The following ARPC5 variants were observed in gnomAD, a reference collection of about 807,000 sequenced individuals.
The protein encoded by ARPC5 is actin-related protein 2/3 complex subunit 5.
In ARPC5, 5 loss-of-function variants were observed where a neutral mutation model predicts 15.4. The ratio of observed to expected loss-of-function variants is 0.32; its 90% CI spans 0.17 to 0.68. The LOEUF (loss-of-function observed/expected upper bound fraction) is 0.68, where lower values mean the gene tolerates loss of function less well. Ranked by LOEUF, ARPC5 falls within the 30% of genes least tolerant of loss-of-function variation. The pLI is 0.71. For missense variants in ARPC5, 138 were observed against 192.8 expected, an observed-to-expected ratio of 0.72 and a Z score of 1.68; for synonymous variants, 85 against 72.2, an observed-to-expected ratio of 1.18 and a Z score of -0.90.
rs529054008 is a variant in ARPC5, at chr1:183,635,776, C to T, written c.-117G>A. The T allele has an allele frequency of 4.4e-6, 6 of 1,365,880 alleles. No homozygotes were observed. Among genetic ancestry groups the T allele is most frequent in the Non-Finnish European group, 5.9e-6 (6 of 1,015,692 alleles). The allele number at this position is 1,365,880 out of a possible 1,614,324, so 84.6% of individuals were successfully genotyped here. A position where few individuals can be genotyped will look rare whatever the true frequency, so the allele number is the denominator to read the frequency against. ...ACTTCCCTCTTCCGCTCTGAGGCGTCGCCGACTGCCGCGGCTCGGACCGTT... is the reference window on the plus strand; with the variant it reads ...ACTTCCCTCTTCCGCTCTGAGGCGTTGCCGACTGCCGCGGCTCGGACCGTT... On this transcript the variant is annotated 5_prime_UTR_variant, in exon 1 of 4. Coordinates refer to ENST00000359856, the MANE Select transcript of ARPC5 (RefSeq NM_005717.4).
chr1:183,630,804 G>A (rs1649241857), intron 2 of ARPC5, 167 bp from the exon 3 acceptor site: 1 of 616,814 alleles, frequency 1.6e-6, no homozygotes, highest in East Asian at 2.8e-5. Context: ...AAAGAACAGT[G>A]CTATTAGTGT....
chr1:183,623,477 C>G lies in ARPC5; in HGVS notation c.*4055G>C. On this transcript the variant is annotated 3_prime_UTR_variant, in exon 4 of 4. Coordinates refer to ENST00000359856, the MANE Select transcript of ARPC5 (RefSeq NM_005717.4). ...TGGAATCATACAAGAGGCACCTGCA[C>G]AGAACGTTTTCACATTGGGGTTTTC... is the stretch of plus-strand genomic sequence containing the variant. 1 of 1,550,248 alleles carries G rather than the reference C, an allele frequency of 6.5e-7. No homozygotes were observed. Among genetic ancestry groups the G allele is most frequent in the South Asian group, 1.2e-5 (1 of 84,056 alleles).
rs1649055853 is a variant in ARPC5, at chr1:183,625,113, A to G, written c.*2419T>C. ...CCAAATAGTAAAAGCACTGAGATTA[A>G]AGGAGGAGAATGGGAGGTAAACAAC... On this transcript the variant is annotated 3_prime_UTR_variant, in exon 4 of 4. Coordinates refer to ENST00000359856, the MANE Select transcript of ARPC5 (RefSeq NM_005717.4). 1 of 152,242 alleles carries G rather than the reference A, an allele frequency of 6.6e-6. No individual in the cohort carries two copies. The highest frequency in any genetic ancestry group is 2.4e-5 in the African/African-American group (1 of 41,466). The allele number at this position is 152,242 out of a possible 1,614,324, so 9.4% of individuals were successfully genotyped here.
chr1:183,630,438 T>C lies in ARPC5; in HGVS notation c.393+23A>G, dbSNP rs760372446. The C allele has an allele frequency of 5.1e-6, 8 of 1,558,412 alleles. No homozygotes were observed. In the African/African-American group the frequency reaches 9.6e-5, roughly 19 times the overall value. The stretch of plus-strand genomic sequence containing the variant: ...CCCTATTGTAAAAGAACCAGTCATA[T>C]AGATTTATAATTCATAACTTACCTT... On this transcript the variant is annotated intron_variant, in intron 3 of 3. Coordinates refer to ENST00000359856, the MANE Select transcript of ARPC5 (RefSeq NM_005717.4).
intron 1 of ARPC5, among the ~76,000 whole-genome samples, chr1:183,635,198 G>C (rs555660148): frequency 2.3e-4 from 35 of 152,340 alleles, no homozygotes; most frequent in Admixed American, 1.7e-3. Flanking sequence ...CCCCAGCGCC[G>C]CGAGGGCGCG....
At chr1:183,635,048 A>G (rs1223470279) in intron 1 of ARPC5, among the ~76,000 whole-genome samples, 5 of 151,978 alleles carry the variant, frequency 3.3e-5, no homozygotes, top group Non-Finnish European at 5.9e-5. Flanking sequence ...AACACAACAA[A>G]AAACAAAACC....
In ARPC5 at chr1:183,623,168, T is replaced by G. The variant is rs1206342403; in HGVS notation, c.*4364A>C. 6.3e-6 allele frequency: 3 copies of G among 478,158 alleles called. No homozygotes were observed. In the Admixed American group the frequency reaches 1.0e-4, roughly 16 times the overall value. The allele number at this position is 478,158 out of a possible 1,614,324, so 29.6% of individuals were successfully genotyped here. A position where few individuals can be genotyped will look rare whatever the true frequency, so the allele number is the denominator to read the frequency against. On this transcript the variant is annotated 3_prime_UTR_variant, in exon 4 of 4. Transcript: ENST00000359856. The stretch of plus-strand genomic sequence containing the variant: ...GCTGGAAAATACGGGAGTTTTAGAA[T>G]GCTTTGGAATTCAGGTGGGTCATAC...
At chr1:183,634,815 G>A (rs376445988) in intron 1 of ARPC5, among the ~76,000 whole-genome samples, 1 of 151,790 alleles carries the variant, frequency 6.6e-6, no homozygotes, top group Non-Finnish European at 1.5e-5. Context: ...AAGGCTCCAA[G>A]CTTCCTTCTA....
rs1648965541 is a variant in ARPC5 at position 183,622,435 on chromosome 1, G to T, written c.*5097C>A. The T allele has an allele frequency of 6.6e-6, 1 of 152,152 alleles. No homozygotes were observed. The highest frequency in any genetic ancestry group is 1.5e-5 in the Non-Finnish European group (1 of 68,028). 9.4% of individuals were successfully genotyped at this position (152,152 alleles called of 1,614,324 possible). On this transcript the variant is annotated 3_prime_UTR_variant, in exon 4 of 4. Transcript: ENST00000359856. ...TGATTCAATTTTTGGAGAAACAAAA[G>T]GAAGTATGATGTTATTCAGAGGCAT...
chr1:183,627,457 C>G lies in ARPC5; in HGVS notation c.*75G>C. ...GAAACAGATGCTACCCACAGGGCAG[C>G]GGTGGCATTTGGTTGTTTTGGTCTT... On this transcript the variant is annotated 3_prime_UTR_variant, in exon 4 of 4. Coordinates refer to ENST00000359856, the MANE Select transcript of ARPC5 (RefSeq NM_005717.4). 6 of 1,247,876 alleles carry G rather than the reference C, an allele frequency of 4.8e-6. 1 individual carries two copies. In the South Asian group the frequency reaches 7.2e-5, roughly 15 times the overall value. 77.3% of individuals were successfully genotyped at this position (1,247,876 alleles called of 1,614,324 possible). A position where few individuals can be genotyped will look rare whatever the true frequency, so the allele number is the denominator to read the frequency against.
In ARPC5 at chr1:183,621,224, A is replaced by C. The variant is rs1427665893; in HGVS notation, c.*6308T>G. The C allele has an allele frequency of 2.0e-5, 3 of 152,222 alleles. No homozygotes were observed. The highest frequency in any genetic ancestry group is 7.2e-5 in the African/African-American group (3 of 41,472). 9.4% of individuals were successfully genotyped at this position (152,222 alleles called of 1,614,324 possible). A position where few individuals can be genotyped will look rare whatever the true frequency, so the allele number is the denominator to read the frequency against. Reference sequence around the variant, plus strand: ...AATTGATAAAACCTTTAAGAAAGGCAATTTAGCAATATCTCCCTTAAATGC... The same window carrying C: ...AATTGATAAAACCTTTAAGAAAGGCCATTTAGCAATATCTCCCTTAAATGC... On this transcript the variant is annotated 3_prime_UTR_variant, in exon 4 of 4. Coordinates refer to ENST00000359856, the MANE Select transcript of ARPC5 (RefSeq NM_005717.4).
intron 1 of ARPC5, among the ~76,000 whole-genome samples, 183 bp downstream of exon 1, chr1:183,635,334 G>T (rs1287395005): frequency 6.6e-6 from 1 of 152,194 alleles, no homozygotes; most frequent in African/African-American, 2.4e-5. Flanking sequence ...CTGCCGACTG[G>T]GTAGGAAACG....
intron 1 of ARPC5, among the ~76,000 whole-genome samples, 187 bp downstream of exon 1, chr1:183,635,330 A>C (rs1419603431): frequency 2.0e-5 from 3 of 152,134 alleles, no homozygotes; most frequent in Non-Finnish European, 4.4e-5. Context: ...TCTCCTGCCG[A>C]CTGGGTAGGA....
In ARPC5 at chr1:183,623,266, T is replaced by C. The variant is rs1174091233; in HGVS notation, c.*4266A>G. The C allele has an allele frequency of 7.2e-6, 5 of 691,588 alleles. No individual in the cohort carries two copies. The highest frequency in any genetic ancestry group is 1.2e-5 in the Non-Finnish European group (5 of 410,372). The allele number at this position is 691,588 out of a possible 1,614,324, so 42.8% of individuals were successfully genotyped here. A position where few individuals can be genotyped will look rare whatever the true frequency, so the allele number is the denominator to read the frequency against. ...CAGAGAGAAATAAGAGATGTAAACA[T>C]AGATTATTTATGTTGATTACTCTTA... On this transcript the variant is annotated 3_prime_UTR_variant, in exon 4 of 4. Transcript: ENST00000359856.
At position 183,635,721 on chromosome 1, in the gene ARPC5, C is replaced by G; in HGVS notation, c.-62G>C. On this transcript the variant is annotated 5_prime_UTR_variant, in exon 1 of 4. Transcript: ENST00000359856. ...GCTGCCTCTACCTCAGCAAGCCCAGCCCAGCAACCCACTACCCGGCGCCTG... is the reference window on the plus strand; with the variant it reads ...GCTGCCTCTACCTCAGCAAGCCCAGGCCAGCAACCCACTACCCGGCGCCTG... 1.3e-6 allele frequency: 2 copies of G among 1,565,466 alleles called. No homozygotes were observed. Among genetic ancestry groups the G allele is most frequent in the Non-Finnish European group, 8.7e-7 (1 of 1,154,434 alleles).
At position 183,623,761 on chromosome 1, in the gene ARPC5, G is replaced by A. The variant is rs563492006; in HGVS notation, c.*3771C>T. 1.9e-4 allele frequency: 84 copies of A among 444,618 alleles called. No individual in the cohort carries two copies. In the South Asian group the frequency reaches 2.0e-3, roughly 11 times the overall value. 27.5% of individuals were successfully genotyped at this position (444,618 alleles called of 1,614,324 possible). The stretch of plus-strand genomic sequence containing the variant: ...CAATCTGGCTGGGCGCGGTGGTCAC[G>A]CCTGTAATCCCAGTGCTTTGGGAGG... On this transcript the variant is annotated 3_prime_UTR_variant, in exon 4 of 4. Coordinates refer to ENST00000359856, the MANE Select transcript of ARPC5 (RefSeq NM_005717.4).
At chr1:183,631,285 AT>A (rs1649256074) in intron 2 of ARPC5, 1 of 151,844 alleles carries the variant, frequency 6.6e-6, no homozygotes, top group Non-Finnish European at 1.5e-5. Context: ...AAAAAAAAAA[AT>A]CCCAACAAAA....
intron 3 of ARPC5, among the ~76,000 whole-genome samples, chr1:183,628,105 G>A (rs553788445): frequency 2.0e-5 from 3 of 148,426 alleles, no homozygotes; most frequent in Non-Finnish European, 1.5e-5. Context: ...CCCAGGAGGC[G>A]GAGCTTGCAG....
rs1192835039 is a variant in ARPC5 at position 183,623,445 on chromosome 1, C to A, written c.*4087G>T. 8 of 1,550,280 alleles carry A rather than the reference C, an allele frequency of 5.2e-6. No homozygotes were observed. In the East Asian group the frequency reaches 1.7e-4, roughly 33 times the overall value. ...CCTCTGTGGGCTTCCCGGGCCTCCT[C>A]CATATCTGGAATCATACAAGAGGCA... On this transcript the variant is annotated 3_prime_UTR_variant, in exon 4 of 4. Transcript: ENST00000359856.
Sources: allele counts gnomAD v4.1 joint callset (sites outside exome capture counted in the v4.1 genomes callset), GRCh38; gene constraint gnomAD v4.1.1; transcripts MANE v1.5; gene names NCBI Gene and HGNC (gene_info 2026-07-23, HGNC 2026-07-21).